The following PPP1R9A variants were observed in gnomAD, a reference collection of about 807,000 sequenced individuals.
PPP1R9A encodes neurabin-1.
PPP1R9A carries 59 observed loss-of-function variants against 141.9 expected under a neutral mutation model. The ratio of observed to expected loss-of-function variants is 0.42; its 90% confidence interval spans 0.34 to 0.52. PPP1R9A has a LOEUF of 0.52. Among genes scored for constraint, PPP1R9A ranks in the 20% least tolerant of loss-of-function variants. PPP1R9A has a pLI of 0.10. For synonymous variants in PPP1R9A, 500 were observed against 569.7 expected, an observed-to-expected ratio of 0.88 and a Z score of 1.74; for missense variants, 1,444 against 1,611.9, an observed-to-expected ratio of 0.90 and a Z score of 1.78.
At chr7:95,166,965 C>G (rs755196170) in intron 5 of PPP1R9A, among the ~76,000 whole-genome samples, 11 of 152,076 alleles carry the variant, frequency 7.2e-5, no homozygotes, top group Non-Finnish European at 1.2e-4. Context: ...ATTCAGTATC[C>G]CTTCATGATG....
chr7:95,252,239 T>C (rs1798981310), intron 12 of PPP1R9A, 109 bp downstream of exon 12: 2 of 1,227,328 alleles, frequency 1.6e-6, no homozygotes, highest in East Asian at 5.4e-5. Flanking sequence ...CTTCCTACTA[T>C]GGGAAAGAAG....
chr7:95,196,226 A>C (rs1463645857), intron 5 of PPP1R9A, among the ~76,000 whole-genome samples: 5 of 152,142 alleles, frequency 3.3e-5, no homozygotes, highest in African/African-American at 9.7e-5. Flanking sequence ...GTGCATGAAA[A>C]GATAATATCA....
At chr7:95,052,043 T>C (rs1241776299) in intron 2 of PPP1R9A, among the ~76,000 whole-genome samples, 2 of 152,002 alleles carry the variant, frequency 1.3e-5, no homozygotes, top group Non-Finnish European at 1.5e-5. Flanking sequence ...TTTCGCCGAG[T>C]TGGCCAGGTT....
intron 12 of PPP1R9A, among the ~76,000 whole-genome samples, chr7:95,265,453 G>T (rs1801144980): frequency 6.6e-6 from 1 of 152,116 alleles, no homozygotes; most frequent in African/African-American, 2.4e-5. Context: ...TGTAATATTA[G>T]GATTTTTGTA....
In PPP1R9A at chr7:95,284,003, C is replaced by T. The variant is rs763483523; in HGVS notation, c.3297-15C>T. 1.3e-5 allele frequency: 20 copies of T among 1,568,790 alleles called. No individual in the cohort carries two copies. The South Asian group carries it at 2.3e-4, about 18-fold the overall frequency. On this transcript the variant is annotated splice_polypyrimidine_tract_variant and intron_variant, in intron 16 of 19. Transcript: ENST00000433360. Reference sequence around the variant, plus strand: ...CCTTTCTTTATCTAACACACCCATTCTTTTCACAAAACAGGATCTTCAGAG... The same window carrying T: ...CCTTTCTTTATCTAACACACCCATTTTTTTCACAAAACAGGATCTTCAGAG...
At chr7:95,261,579 A>C (rs1800437362) in intron 12 of PPP1R9A, among the ~76,000 whole-genome samples, 2 of 152,086 alleles carry the variant, frequency 1.3e-5, no homozygotes, top group South Asian at 2.1e-4. Context: ...GTTTTAAGTT[A>C]ATGTTTGATT....
At chr7:95,055,428 G>C (rs951969975) in intron 2 of PPP1R9A, among the ~76,000 whole-genome samples, 1 of 151,738 alleles carries the variant, frequency 6.6e-6, no homozygotes, top group South Asian at 2.1e-4. Context: ...ATTCTTCCTT[G>C]GAAACATCTC....
chr7:94,977,631 A>G (rs887060098), intron 2 of PPP1R9A, among the ~76,000 whole-genome samples: 2 of 152,178 alleles, frequency 1.3e-5, no homozygotes, highest in Non-Finnish European at 2.9e-5. Flanking sequence ...ATCAATCTGT[A>G]GACAATTGAC....
chr7:95,001,453 A>G (rs922277140), intron 2 of PPP1R9A, among the ~76,000 whole-genome samples: 16 of 152,204 alleles, frequency 1.1e-4, no homozygotes, highest in African/African-American at 3.6e-4. Context: ...CAGAGGTATT[A>G]AATCTTTATG....
intron 2 of PPP1R9A, among the ~76,000 whole-genome samples, chr7:95,080,469 G>A (rs1815630912): frequency 1.3e-5 from 2 of 152,160 alleles, no homozygotes; most frequent in South Asian, 4.1e-4. Flanking sequence ...AACATTCCAT[G>A]CTCATGGGTA....
At chr7:94,920,719 G>C (rs139714802) in intron 2 of PPP1R9A, among the ~76,000 whole-genome samples, 6 of 152,298 alleles carry the variant, frequency 3.9e-5, no homozygotes, top group African/African-American at 1.2e-4. Flanking sequence ...TTCGGACATA[G>C]AGTGGTTGGC....
At chr7:95,059,132 T>G (rs1349929760) in intron 2 of PPP1R9A, among the ~76,000 whole-genome samples, 1 of 152,182 alleles carries the variant, frequency 6.6e-6, no homozygotes, top group African/African-American at 2.4e-5. Flanking sequence ...ATGTATCACC[T>G]CCATGTGTTT....
At chr7:95,181,416 A>G (rs1327559112) in intron 5 of PPP1R9A, among the ~76,000 whole-genome samples, 1 of 137,076 alleles carries the variant, frequency 7.3e-6, no homozygotes, top group East Asian at 2.0e-4. Context: ...CATCATATAT[A>G]TAGAATATAG....
intron 2 of PPP1R9A, among the ~76,000 whole-genome samples, chr7:94,995,173 T>C (rs1006056651): frequency 6.6e-6 from 1 of 152,122 alleles, no homozygotes; most frequent in Non-Finnish European, 1.5e-5. Context: ...ATCTTCTTGC[T>C]GTCATTGTTT....
At chr7:95,060,341 G>A (rs747780411) in intron 2 of PPP1R9A, among the ~76,000 whole-genome samples, 1 of 152,162 alleles carries the variant, frequency 6.6e-6, no homozygotes, top group African/African-American at 2.4e-5. Context: ...GCAAGGGGGT[G>A]GGGCAGATTT....
At chr7:95,119,791 G>T (rs1019193262) in intron 3 of PPP1R9A, among the ~76,000 whole-genome samples, 7 of 151,888 alleles carry the variant, frequency 4.6e-5, no homozygotes, top group African/African-American at 1.7e-4. Flanking sequence ...GTAAAGAGAA[G>T]TAGGTATAAT....
chr7:94,941,240 A>G (rs1795305320), intron 2 of PPP1R9A, among the ~76,000 whole-genome samples: 1 of 152,172 alleles, frequency 6.6e-6, no homozygotes, highest in Admixed American at 6.5e-5. Context: ...CAAGGCTTAG[A>G]GTTAGTAACA....
At chr7:94,959,739 CT>C (rs1161815378) in intron 2 of PPP1R9A, among the ~76,000 whole-genome samples, 1 of 151,546 alleles carries the variant, frequency 6.6e-6, no homozygotes, top group Non-Finnish European at 1.5e-5. Flanking sequence ...AATTATTGTC[CT>C]GTCACTCTAA....
At chr7:95,200,204 A>G (rs1789234823) in intron 6 of PPP1R9A, among the ~76,000 whole-genome samples, 2 of 151,678 alleles carry the variant, frequency 1.3e-5, no homozygotes, top group African/African-American at 4.8e-5. Flanking sequence ...CAGACCACAC[A>G]TTTTCTGCAG....
Sources: allele counts gnomAD v4.1 joint callset (sites outside exome capture counted in the v4.1 genomes callset), GRCh38; gene constraint gnomAD v4.1.1; transcripts MANE v1.5; gene names NCBI Gene and HGNC (gene_info 2026-07-23, HGNC 2026-07-21).